TTL: variants seen among roughly 807,000 people sequenced by gnomAD.
TTL encodes the protein tubulin tyrosine ligase.
In TTL, 10 loss-of-function variants were observed where a neutral mutation model predicts 41.1. That is an observed-to-expected ratio of 0.24 (90% CI 0.15 to 0.41). TTL has a LOEUF of 0.41. Ranked by LOEUF, TTL falls within the 10% of genes least tolerant of loss-of-function variation. The pLI, the probability that TTL is intolerant of heterozygous loss-of-function variation, is 1.00. For synonymous variants in TTL, 175 were observed against 175.5 expected, an observed-to-expected ratio of 1.00 and a Z score of 0.02; for missense variants, 367 against 460.4, an observed-to-expected ratio of 0.80 and a Z score of 1.86.
At chr2:112,489,098 A>G (rs79412238) in intron 2 of TTL, among the ~76,000 whole-genome samples, 1 of 152,214 alleles carries the variant, frequency 6.6e-6, no homozygotes, top group African/African-American at 2.4e-5. Context: ...AAAAAGAAAT[A>G]AATTAATTTA....
At chr2:112,487,259 T>C (rs962741886) in intron 2 of TTL, among the ~76,000 whole-genome samples, 1 of 152,210 alleles carries the variant, frequency 6.6e-6, no homozygotes, top group East Asian at 1.9e-4. Flanking sequence ...TGGTAACTTA[T>C]GTACCCACTC....
Position 112,539,970 on chromosome 2 carries a change from T to C in TTL, c.*11175T>C, listed in dbSNP as rs1682680152. The C allele has an allele frequency of 6.6e-6, 1 of 152,208 alleles. No individual in the cohort carries two copies. The highest frequency in any genetic ancestry group is 2.4e-5 in the African/African-American group (1 of 41,460). 9.4% of individuals were successfully genotyped at this position (152,208 alleles called of 1,614,324 possible). A position where few individuals can be genotyped will look rare whatever the true frequency, so the allele number is the denominator to read the frequency against. ...AATAAATTTAACAAAAGTTCATTTC[T>C]ACACCAAATACTACAAAACATCTCT... On this transcript the variant is annotated 3_prime_UTR_variant, in exon 7 of 7. Transcript: ENST00000233336.
chr2:112,515,717 G>A (rs1033636626), intron 5 of TTL, among the ~76,000 whole-genome samples: 3 of 152,148 alleles, frequency 2.0e-5, no homozygotes, highest in South Asian at 2.1e-4. Context: ...GGAGGCCGAG[G>A]CAGGCAGATC....
chr2:112,498,443 G>A (rs1281009447), intron 3 of TTL, among the ~76,000 whole-genome samples: 1 of 152,188 alleles, frequency 6.6e-6, no homozygotes, highest in African/African-American at 2.4e-5. Context: ...AAATGATTAT[G>A]AAGGAAGTCA....
chr2:112,486,571 G>C (rs1254482726), intron 2 of TTL, among the ~76,000 whole-genome samples: 1 of 152,214 alleles, frequency 6.6e-6, no homozygotes, highest in East Asian at 1.9e-4. Context: ...TCTGGGCAGG[G>C]TATAAGAGCA....
At chr2:112,519,955 A>T (rs1316720819) in intron 5 of TTL, among the ~76,000 whole-genome samples, 3 of 151,734 alleles carry the variant, frequency 2.0e-5, no homozygotes, top group Non-Finnish European at 4.4e-5. Flanking sequence ...ACATGGAGAA[A>T]CCCTGTTTCT....
intron 3 of TTL, among the ~76,000 whole-genome samples, chr2:112,496,853 C>T (rs1681546244): frequency 6.6e-6 from 1 of 151,658 alleles, no homozygotes; most frequent in Non-Finnish European, 1.5e-5. Flanking sequence ...CAGAGTCTCA[C>T]TCTGTCACCC....
chr2:112,511,780 A>C (rs948040286), intron 5 of TTL, among the ~76,000 whole-genome samples: 1 of 151,072 alleles, frequency 6.6e-6, no homozygotes, highest in African/African-American at 2.4e-5. Context: ...CATGTTGCCC[A>C]GGCTGGTCTT....
At chr2:112,521,776 G>A (rs1682239025) in intron 6 of TTL, among the ~76,000 whole-genome samples, 1 of 152,212 alleles carries the variant, frequency 6.6e-6, no homozygotes, top group Non-Finnish European at 1.5e-5. Context: ...CAGATACCAG[G>A]CAGATGTCAA....
At chr2:112,518,482 AATATTTTTC>A (rs1682129887) in intron 5 of TTL, among the ~76,000 whole-genome samples, 1 of 152,006 alleles carries the variant, frequency 6.6e-6, no homozygotes, top group African/African-American at 2.4e-5. Flanking sequence ...TATCAATTAA[AATATTTTTC>A]TTTTTAGGAA....
In TTL at chr2:112,539,879, C is replaced by A. The variant is rs1484844266; in HGVS notation, c.*11084C>A. The A allele has an allele frequency of 1.3e-5, 2 of 152,154 alleles. No individual in the cohort carries two copies. The highest frequency in any genetic ancestry group is 2.9e-5 in the Non-Finnish European group (2 of 68,026). The allele number at this position is 152,154 out of a possible 1,614,324, so 9.4% of individuals were successfully genotyped here. A position where few individuals can be genotyped will look rare whatever the true frequency, so the allele number is the denominator to read the frequency against. The stretch of plus-strand genomic sequence containing the variant: ...AACTCAATGGTATTTCTACATATTA[C>A]AAACAATTTGAAGTTAAGAAAACAA... On this transcript the variant is annotated 3_prime_UTR_variant, in exon 7 of 7. Transcript: ENST00000233336.
intron 5 of TTL, among the ~76,000 whole-genome samples, chr2:112,514,415 A>C (rs1682013932): frequency 6.6e-6 from 1 of 151,958 alleles, no homozygotes; most frequent in Admixed American, 6.6e-5. Flanking sequence ...GTAGTTTTTA[A>C]GTAAAGTCTG....
At chr2:112,514,870 T>C (rs1027972365) in intron 5 of TTL, among the ~76,000 whole-genome samples, 41 of 152,324 alleles carry the variant, frequency 2.7e-4, no homozygotes, top group Admixed American at 6.5e-5. Context: ...TCTCACACTT[T>C]TATGGCATTT....
chr2:112,484,445 G>C (rs1681184637), intron 1 of TTL, among the ~76,000 whole-genome samples: 1 of 151,534 alleles, frequency 6.6e-6, no homozygotes, highest in Non-Finnish European at 1.5e-5. Context: ...TTGTATTTTT[G>C]GTAGAGACAA....
chr2:112,499,523 C>T (rs1430377670), intron 3 of TTL, among the ~76,000 whole-genome samples: 4 of 152,132 alleles, frequency 2.6e-5, no homozygotes, highest in Non-Finnish European at 4.4e-5. Flanking sequence ...CAAAATGGAT[C>T]GTGGACCTAA....
At chr2:112,511,626 A>G (rs1340792337) in intron 5 of TTL, among the ~76,000 whole-genome samples, 1 of 150,024 alleles carries the variant, frequency 6.7e-6, no homozygotes, top group African/African-American at 2.5e-5. Flanking sequence ...GTTCAGGGGC[A>G]TGATCTTGGC....
rs528069398 is a variant in TTL, at chr2:112,527,737, G to A, written c.1020-944G>A. On this transcript the variant is annotated intron_variant, in intron 6 of 6. Coordinates refer to ENST00000233336, the MANE Select transcript of TTL (RefSeq NM_153712.5). ...ACGTGAGGTGGGTCTCCTGAATAGAGCACACTGATGGGTCTTGACTGTTTA... is the reference window on the plus strand; with the variant it reads ...ACGTGAGGTGGGTCTCCTGAATAGAACACACTGATGGGTCTTGACTGTTTA... Among the ~76,000 whole-genome samples, 3 of 152,250 alleles carry A rather than the reference G, an allele frequency of 2.0e-5. No individual in the cohort carries two copies. The South Asian group carries it at 6.2e-4, about 32-fold the overall frequency.
Position 112,528,848 on chromosome 2 carries a change from A to G in TTL, c.*53A>G, listed in dbSNP as rs975452864. Reference sequence around the variant, plus strand: ...AAAGCACGGGGTCCTGCTCCAGGGAATGGTGAAATGACTGGATTGCTCTTT... The same window carrying G: ...AAAGCACGGGGTCCTGCTCCAGGGAGTGGTGAAATGACTGGATTGCTCTTT... On this transcript the variant is annotated 3_prime_UTR_variant, in exon 7 of 7. Transcript: ENST00000233336. 39 of 1,364,714 alleles carry G rather than the reference A, an allele frequency of 2.9e-5. No homozygotes were observed. In the African/African-American group the frequency reaches 5.3e-4, roughly 18 times the overall value. The allele number at this position is 1,364,714 out of a possible 1,614,324, so 84.5% of individuals were successfully genotyped here.
chr2:112,496,406 A>T (rs186513612), intron 3 of TTL, among the ~76,000 whole-genome samples: 1 of 152,286 alleles, frequency 6.6e-6, no homozygotes, highest in African/African-American at 2.4e-5. Context: ...TACCCACTAC[A>T]TGCTTTGTAT....
Sources: gnomAD v4.1 joint callset for allele counts (sites outside exome capture counted in the v4.1 genomes callset) on GRCh38, gnomAD v4.1.1 for gene constraint, MANE v1.5 for transcripts, NCBI Gene and HGNC (gene_info 2026-07-23, HGNC 2026-07-21) for gene names.